Variants in FKBP5 observed in about 807,000 individuals in gnomAD.
FKBP5 encodes the protein FKBP prolyl isomerase 5.
A neutral mutation model predicts 50.5 loss-of-function variants in FKBP5; 23 were observed. That is an observed-to-expected ratio of 0.46 (90% CI 0.33 to 0.65). FKBP5 has a LOEUF of 0.65. FKBP5 is among the 30% of genes least tolerant of loss of function. The pLI is 0.02. For missense variants in FKBP5, 411 were observed against 553.1 expected (o/e 0.74, Z 2.58); for synonymous variants, 176 against 190.6 (o/e 0.92, Z 0.63).
intron 2 of FKBP5, among the ~76,000 whole-genome samples, chr6:35,709,002 A>G (rs954204249): frequency 6.6e-6 from 1 of 152,218 alleles, no homozygotes; most frequent in Admixed American, 6.6e-5. Flanking sequence ...TTCTTTCACT[A>G]GCAGCCAAAC....
chr6:35,630,527 A>G (rs1303255875), intron 3 of FKBP5, among the ~76,000 whole-genome samples: 1 of 152,180 alleles, frequency 6.6e-6, no homozygotes, highest in Non-Finnish European at 1.5e-5. Context: ...AGCCTGAGTG[A>G]GAGCGAGACT....
At chr6:35,626,081 G>A (rs7743425) in intron 3 of FKBP5, among the ~76,000 whole-genome samples, 5,398 of 152,100 alleles carry the variant, frequency 0.035, 127 homozygotes, top group African/African-American at 0.069. Flanking sequence ...GCCTGGCCAC[G>A]TCAATTTATT....
intron 2 of FKBP5, among the ~76,000 whole-genome samples, chr6:35,703,630 T>A (rs905442097): frequency 6.6e-6 from 1 of 152,240 alleles, no homozygotes; most frequent in African/African-American, 2.4e-5. Flanking sequence ...CCAATTCTAA[T>A]TGGCCTTTCT....
At chr6:35,691,144 G>A (rs1402917585), upstream of FKBP5, among the ~76,000 whole-genome samples, 2 of 152,190 alleles carry the variant, frequency 1.3e-5, no homozygotes, top group Admixed American at 6.5e-5. Flanking sequence ...TAACATGTCA[G>A]TTCTCCTCTT....
At chr6:35,680,410 A>C (rs982905727) in intron 1 of FKBP5, among the ~76,000 whole-genome samples, 3 of 152,262 alleles carry the variant, frequency 2.0e-5, no homozygotes, top group Non-Finnish European at 4.4e-5. Context: ...AGACTGGGCA[A>C]CAGAATTAGA....
intron 1 of FKBP5, among the ~76,000 whole-genome samples, chr6:35,675,642 T>C (rs1765507127): frequency 6.6e-6 from 1 of 152,238 alleles, no homozygotes; most frequent in Middle Eastern, 3.4e-3. Flanking sequence ...AAAGCATCAA[T>C]CCTAACAATT....
intron 8 of FKBP5, chr6:35,585,064 T>C (rs964309743): frequency 1.0e-6 from 1 of 985,322 alleles, no homozygotes; most frequent in Admixed American, 6.1e-5. Context: ...TTCTGTATCA[T>C]AGCACCGATT....
At chr6:35,584,003 C>T (rs77715420) in intron 8 of FKBP5, 28 of 985,168 alleles carry the variant, frequency 2.8e-5, no homozygotes, top group Admixed American at 6.2e-5. Flanking sequence ...CACAAGGGGG[C>T]GCAAGAATCC....
intron 1 of FKBP5, among the ~76,000 whole-genome samples, chr6:35,726,836 T>C (rs1167045278): frequency 6.6e-6 from 1 of 152,058 alleles, no homozygotes; most frequent in Non-Finnish European, 1.5e-5. Context: ...TGAGTTGGAA[T>C]GGTGGTGGGA....
At chr6:35,706,244 T>C (rs1383581111) in intron 2 of FKBP5, among the ~76,000 whole-genome samples, 1 of 151,560 alleles carries the variant, frequency 6.6e-6, no homozygotes, top group African/African-American at 2.4e-5. Flanking sequence ...GCTAATATGG[T>C]AAAACCCTGT....
At chr6:35,591,634 T>C (rs994790406) in intron 6 of FKBP5, among the ~76,000 whole-genome samples, 1 of 152,196 alleles carries the variant, frequency 6.6e-6, no homozygotes, top group Non-Finnish European at 1.5e-5. Flanking sequence ...GCCACTGTAA[T>C]TGTTAGAGTG....
At chr6:35,621,235 T>G (rs897444857) in intron 3 of FKBP5, among the ~76,000 whole-genome samples, 1 of 152,242 alleles carries the variant, frequency 6.6e-6, no homozygotes, top group Non-Finnish European at 1.5e-5. Flanking sequence ...GTAATCTCAA[T>G]GTTTATAGTT....
chr6:35,657,027 C>G (rs1191888384), intron 1 of FKBP5, among the ~76,000 whole-genome samples: 1 of 150,274 alleles, frequency 6.7e-6, no homozygotes, highest in African/African-American at 2.4e-5. Flanking sequence ...CTGTCTAACA[C>G]GGTGAAACCC....
chr6:35,672,834 G>A (rs1765426434), intron 1 of FKBP5, among the ~76,000 whole-genome samples: 1 of 151,896 alleles, frequency 6.6e-6, no homozygotes, highest in Non-Finnish European at 1.5e-5. Context: ...GGGGGCTGAG[G>A]CAGGAGAATG....
intron 3 of FKBP5, 36 bp downstream of exon 3, chr6:35,636,978 C>G (rs745357265): frequency 2.4e-5 from 37 of 1,552,428 alleles, no homozygotes; most frequent in Non-Finnish European, 3.2e-5. Context: ...AGTAATAAAG[C>G]TAAGTAAAAC....
At chr6:35,719,448 G>T (rs1766567406) in intron 2 of FKBP5, among the ~76,000 whole-genome samples, 1 of 152,136 alleles carries the variant, frequency 6.6e-6, no homozygotes, top group Non-Finnish European at 1.5e-5. Context: ...TAAGATCTGT[G>T]CATTTTACTG....
intron 1 of FKBP5, among the ~76,000 whole-genome samples, chr6:35,644,198 T>C (rs1348455271): frequency 6.6e-6 from 1 of 152,180 alleles, no homozygotes; most frequent in African/African-American, 2.4e-5. Context: ...AACAGGCTAA[T>C]CATAGGCTAA....
intron 1 of FKBP5, among the ~76,000 whole-genome samples, chr6:35,680,562 G>A (rs1456441668): frequency 1.3e-5 from 2 of 152,270 alleles, no homozygotes; most frequent in Admixed American, 6.5e-5. Flanking sequence ...TATTGTTTAA[G>A]CTATGATTTA....
At chr6:35,583,621 G>A (rs1762511319) in intron 8 of FKBP5, 2 of 955,192 alleles carry the variant, frequency 2.1e-6, no homozygotes, top group Non-Finnish European at 2.5e-6. Flanking sequence ...GGCATTTTTA[G>A]TTGTCATAAC....
Sources: allele counts gnomAD v4.1 joint callset (sites outside exome capture counted in the v4.1 genomes callset), GRCh38; gene constraint gnomAD v4.1.1; transcripts MANE v1.5; gene names NCBI Gene and HGNC (gene_info 2026-07-23, HGNC 2026-07-21).